The following BCR variants were observed in gnomAD, a reference collection of about 807,000 sequenced individuals.
BCR encodes the protein BCR activator of RhoGEF and GTPase, also known as breakpoint cluster region protein.
BCR carries 58 observed loss-of-function variants against 138.6 expected under a neutral mutation model. The observed-to-expected ratio is 0.42, with a 90% CI of 0.34 to 0.52. BCR has a LOEUF of 0.52. Among genes scored for constraint, BCR ranks in the 20% least tolerant of loss-of-function variants. The pLI is 0.06. For synonymous variants in BCR, 786 were observed against 730.1 expected (o/e 1.08, Z -1.23); for missense variants, 1,599 against 1,727.2 (o/e 0.93, Z 1.32).
At chr22:23,222,515 G>A (rs1218088193) in intron 1 of BCR, among the ~76,000 whole-genome samples, 1 of 152,182 alleles carries the variant, frequency 6.6e-6, no homozygotes, top group East Asian at 1.9e-4. Flanking sequence ...AGTGGTTCCC[G>A]AGGAAGGAGG....
chr22:23,186,979 A>G (rs1000349722), intron 1 of BCR, among the ~76,000 whole-genome samples: 3 of 152,034 alleles, frequency 2.0e-5, no homozygotes, highest in African/African-American at 7.2e-5. Flanking sequence ...CAAGTGATCC[A>G]CCCGTCTTGG....
Position 23,294,962 on chromosome 22 carries a change from C to T in BCR, c.2881-62C>T, listed in dbSNP as rs907857850. 6 of 1,586,062 alleles carry T rather than the reference C, an allele frequency of 3.8e-6. No individual in the cohort carries two copies. The Admixed American group carries it at 8.5e-5, about 22-fold the overall frequency. ...AGGGAGAGCCCCGGTTCAGAGGACC[C>T]TTCAGCCATAACATTGACCCGTTTG... On this transcript the variant is annotated intron_variant, in intron 15 of 22. Transcript: ENST00000305877.
chr22:23,203,743 G>A (rs149356639), intron 1 of BCR, among the ~76,000 whole-genome samples: 1 of 152,260 alleles, frequency 6.6e-6, no homozygotes, highest in African/African-American at 2.4e-5. Flanking sequence ...CTAGTTTATT[G>A]CTGTTGTGGG....
intron 10 of BCR, among the ~76,000 whole-genome samples, chr22:23,285,691 G>A (rs982444231): frequency 1.1e-4 from 16 of 152,230 alleles, no homozygotes; most frequent in Admixed American, 3.3e-4. Flanking sequence ...CTAGTTTTTC[G>A]GAAACACAGC....
chr22:23,196,567 C>T (rs905968578), intron 1 of BCR, among the ~76,000 whole-genome samples: 1 of 152,090 alleles, frequency 6.6e-6, no homozygotes, highest in Admixed American at 6.6e-5. Flanking sequence ...GGGCAGCAGT[C>T]CCCAGCCTCC....
chr22:23,267,179 G>A (rs886216089), intron 4 of BCR, among the ~76,000 whole-genome samples: 1 of 152,064 alleles, frequency 6.6e-6, no homozygotes, highest in African/African-American at 2.4e-5. Context: ...GCAGGCCCTT[G>A]GCTGCTTTGT....
chr22:23,228,237 C>T (rs2072915733), intron 1 of BCR, among the ~76,000 whole-genome samples: 1 of 152,140 alleles, frequency 6.6e-6, no homozygotes, highest in Admixed American at 6.5e-5. Context: ...GTAAATTTGC[C>T]TCCAAGCACT....
chr22:23,279,869 C>T (rs1449719152), intron 8 of BCR, among the ~76,000 whole-genome samples: 3 of 152,208 alleles, frequency 2.0e-5, no homozygotes, highest in Admixed American at 2.0e-4. Flanking sequence ...GCCTTTACCT[C>T]TCACAGTGGT....
chr22:23,189,373 G>C (rs1191161932), intron 1 of BCR, among the ~76,000 whole-genome samples: 1 of 152,118 alleles, frequency 6.6e-6, no homozygotes, highest in Non-Finnish European at 1.5e-5. Context: ...CTGTCTCCAT[G>C]ATTTTGCCTC....
intron 16 of BCR, among the ~76,000 whole-genome samples, chr22:23,299,651 G>A (rs1407716844): frequency 2.3e-4 from 35 of 150,140 alleles, no homozygotes; most frequent in Admixed American, 2.3e-3. Flanking sequence ...ACATACATCT[G>A]TATCTGTAAG....
At chr22:23,198,713 G>C (rs1475717408) in intron 1 of BCR, among the ~76,000 whole-genome samples, 2 of 152,130 alleles carry the variant, frequency 1.3e-5, no homozygotes, top group Non-Finnish European at 2.9e-5. Context: ...TGGGATCTAG[G>C]ACTGCTATGC....
chr22:23,254,624 ACCGCCCGGC>A (rs2073272281), intron 2 of BCR: 1 of 518,216 alleles, frequency 1.9e-6, no homozygotes, highest in Non-Finnish European at 3.9e-6. Context: ...ATGGTGCTGG[ACCGCCCGGC>A]CCTGCATGAA....
intron 1 of BCR, among the ~76,000 whole-genome samples, chr22:23,215,022 A>G (rs558172609): frequency 1.3e-3 from 191 of 152,158 alleles, no homozygotes; most frequent in African/African-American, 4.5e-3. Context: ...GGCCACCACC[A>G]TCCTACTCTA....
In BCR at chr22:23,263,713, G is replaced by A. The variant is rs560421097; in HGVS notation, c.1752+2173G>A. ...CAGCACCTTCGCTGCCAAGTACTGG[G>A]CTCATGAACAGGAGGTGAACTGTGT... On this transcript the variant is annotated intron_variant, in intron 4 of 22. Coordinates refer to ENST00000305877, the MANE Select transcript of BCR (RefSeq NM_004327.4). The A allele has an allele frequency of 1.2e-4, 162 of 1,397,198 alleles. No homozygotes were observed. The African/African-American group carries it at 1.5e-3, about 13-fold the overall frequency. 86.6% of individuals were successfully genotyped at this position (1,397,198 alleles called of 1,614,324 possible).
In BCR at chr22:23,273,731, A is replaced by T; in HGVS notation, c.2072A>T (p.Glu691Val). Reference sequence around the variant, plus strand: ...AACTTCCTGTCCAGCATCAATGAGGAGATCACACCCCGACGGCAGTCCATG... The same window carrying T: ...AACTTCCTGTCCAGCATCAATGAGGTGATCACACCCCGACGGCAGTCCATG... The part of the protein sequence containing the change: ...SQNFLSSINE[E>V]ITPRRQSMTV... Residue 691 changes from glutamate to valine, a missense_variant, in exon 8 of 23, where the codon GAG (glutamate) becomes GTG (valine). Physicochemically the swap from Glu to Val is moderately radical, Grantham distance 121 (BLOSUM62 -2). Around this residue, in one of 4 missense-constraint regions of BCR, gnomAD observed 590 missense variants for 762.4 expected, o/e 0.77. Coordinates refer to ENST00000305877, the MANE Select transcript of BCR (RefSeq NM_004327.4). 1 of 1,614,128 alleles carries T rather than the reference A, an allele frequency of 6.2e-7. No homozygotes were observed. Among genetic ancestry groups the T allele is most frequent in the Non-Finnish European group, 8.5e-7 (1 of 1,180,032 alleles).
intron 1 of BCR, among the ~76,000 whole-genome samples, chr22:23,216,810 T>C (rs889801146): frequency 3.0e-4 from 46 of 152,218 alleles, no homozygotes. Context: ...TCTCTCCTTG[T>C]GGTCCGTCAT....
chr22:23,228,691 G>A (rs1000581181), intron 1 of BCR, among the ~76,000 whole-genome samples: 2 of 152,032 alleles, frequency 1.3e-5, no homozygotes, highest in Non-Finnish European at 2.9e-5. Context: ...TCCTCTTCTG[G>A]CCTCTATAGT....
At chr22:23,201,349 G>A (rs1196483112) in intron 1 of BCR, among the ~76,000 whole-genome samples, 1 of 152,222 alleles carries the variant, frequency 6.6e-6, no homozygotes, top group Non-Finnish European at 1.5e-5. Context: ...GTAGGACTGA[G>A]TCCCCATTTC....
chr22:23,210,201 A>AGAGCAGCCTG (rs2072665083), intron 1 of BCR, among the ~76,000 whole-genome samples: 1 of 152,092 alleles, frequency 6.6e-6, no homozygotes, highest in Non-Finnish European at 1.5e-5. Flanking sequence ...GGATTGCTTG[A>AGAGCAGCCTG]GCCCAGGAAT....
Sources: gnomAD v4.1 joint callset for allele counts (sites outside exome capture counted in the v4.1 genomes callset) on GRCh38, gnomAD v4.1.1 for gene constraint, gnomAD v4.1.1 regional missense constraint, MANE v1.5 for transcripts, NCBI Gene and HGNC (gene_info 2026-07-23, HGNC 2026-07-21) for gene names.